Variants in PRKG1 observed in about 807,000 individuals in gnomAD.
PRKG1 encodes cGMP-dependent protein kinase 1.
In PRKG1, 35 loss-of-function variants were observed where a neutral mutation model predicts 88.1. The ratio of observed to expected loss-of-function variants is 0.40; its 90% CI spans 0.30 to 0.53. PRKG1 has a LOEUF of 0.53. Among genes scored for constraint, PRKG1 ranks in the 20% least tolerant of loss-of-function variants. PRKG1 has a pLI of 0.59. For missense variants in PRKG1, 540 were observed against 839.8 expected, an observed-to-expected ratio of 0.64 and a Z score of 4.41; for synonymous variants, 303 against 292.5, an observed-to-expected ratio of 1.04 and a Z score of -0.37.
intron 5 of PRKG1, among the ~76,000 whole-genome samples, chr10:52,040,379 T>C (rs1168168314): frequency 6.6e-6 from 1 of 152,226 alleles, no homozygotes; most frequent in Non-Finnish European, 1.5e-5. Flanking sequence ...CAAACTATTT[T>C]CAAGTTCTGC....
At chr10:52,207,873 C>A (rs1299714086) in intron 9 of PRKG1, among the ~76,000 whole-genome samples, 1 of 152,076 alleles carries the variant, frequency 6.6e-6, no homozygotes, top group Non-Finnish European at 1.5e-5. Context: ...CAATGCCTTC[C>A]CTCTGAAGAT....
chr10:52,276,537 T>C (rs919256314), intron 12 of PRKG1, among the ~76,000 whole-genome samples: 13 of 152,158 alleles, frequency 8.5e-5, no homozygotes, highest in African/African-American at 3.1e-4. Context: ...TATTCATAAA[T>C]AACCTTCTAT....
At chr10:51,350,749 T>C (rs935079779) in intron 2 of PRKG1, among the ~76,000 whole-genome samples, 2 of 152,178 alleles carry the variant, frequency 1.3e-5, no homozygotes, top group South Asian at 2.1e-4. Context: ...GAAATCAACA[T>C]ACAAAAATCA....
intron 2 of PRKG1, among the ~76,000 whole-genome samples, chr10:51,188,795 A>G (rs1488898280): frequency 6.6e-6 from 1 of 151,972 alleles, no homozygotes; most frequent in Admixed American, 6.6e-5. Flanking sequence ...AATGGAACAT[A>G]GTTACCACAT....
chr10:51,865,571 T>A (rs1202449564), intron 4 of PRKG1, among the ~76,000 whole-genome samples: 1 of 152,078 alleles, frequency 6.6e-6, no homozygotes, highest in East Asian at 1.9e-4. Context: ...TAGAAAAAAA[T>A]GTAATTATGT....
At chr10:51,923,924 G>T (rs529039711) in intron 5 of PRKG1, among the ~76,000 whole-genome samples, 2 of 151,906 alleles carry the variant, frequency 1.3e-5, no homozygotes, top group Admixed American at 1.3e-4. Flanking sequence ...TACCTCCCAG[G>T]CTCAAGCAAT....
chr10:52,068,472 T>C (rs1324152084), intron 7 of PRKG1, among the ~76,000 whole-genome samples: 2 of 152,144 alleles, frequency 1.3e-5, no homozygotes, highest in Admixed American at 6.5e-5. Context: ...TGGAACTTAT[T>C]CTGTCATTTA....
chr10:51,392,839 G>A (rs1251467448), intron 2 of PRKG1, among the ~76,000 whole-genome samples: 14 of 148,938 alleles, frequency 9.4e-5, no homozygotes, highest in African/African-American at 3.2e-4. Context: ...CCCAGACAGG[G>A]CGGCTGGCCG....
chr10:51,999,568 G>A (rs1844540717), intron 5 of PRKG1, among the ~76,000 whole-genome samples: 1 of 151,988 alleles, frequency 6.6e-6, no homozygotes, highest in Non-Finnish European at 1.5e-5. Flanking sequence ...TAATGAATAG[G>A]TATTCTGTTT....
intron 1 of PRKG1, among the ~76,000 whole-genome samples, chr10:51,028,589 A>AT (rs1843240388): frequency 6.6e-6 from 1 of 151,544 alleles, no homozygotes; most frequent in Non-Finnish European, 1.5e-5. Flanking sequence ...AGGAAAAAAA[A>AT]ATTCAGATAA....
intron 7 of PRKG1, among the ~76,000 whole-genome samples, chr10:52,096,420 A>G (rs1335719815): frequency 6.6e-6 from 1 of 152,174 alleles, no homozygotes; most frequent in East Asian, 1.9e-4. Context: ...CAGCTTCTGC[A>G]GGTTTCTGAG....
intron 2 of PRKG1, among the ~76,000 whole-genome samples, chr10:51,161,960 G>C (rs1478639518): frequency 6.6e-6 from 1 of 152,134 alleles, no homozygotes; most frequent in Non-Finnish European, 1.5e-5. Flanking sequence ...TTACATAACT[G>C]TTGAAGAGTT....
At chr10:51,721,343 C>T (rs187963317) in intron 3 of PRKG1, among the ~76,000 whole-genome samples, 1 of 152,016 alleles carries the variant, frequency 6.6e-6, no homozygotes, top group African/African-American at 2.4e-5. Context: ...ATTAAATGCA[C>T]TCATGTACTT....
chr10:51,377,086 A>T (rs1053237168), intron 2 of PRKG1, among the ~76,000 whole-genome samples: 2 of 142,220 alleles, frequency 1.4e-5, no homozygotes, highest in African/African-American at 5.6e-5. Flanking sequence ...GTTAGCAGTT[A>T]AAAAAAAAAA....
chr10:51,009,336 T>TA (rs1257394192), intron 1 of PRKG1, among the ~76,000 whole-genome samples: 6 of 152,202 alleles, frequency 3.9e-5, no homozygotes, highest in Non-Finnish European at 4.4e-5. Flanking sequence ...AACACAGTTA[T>TA]ATTTAGGGAT....
intron 2 of PRKG1, among the ~76,000 whole-genome samples, chr10:51,277,552 C>A (rs561570022): frequency 3.3e-5 from 5 of 152,130 alleles, no homozygotes; most frequent in African/African-American, 9.7e-5. Context: ...TTACCTTGGA[C>A]GGTATGGCCA....
rs532284863 is a variant in PRKG1 at position 52,168,420 on chromosome 10, A to G, written c.1076+6457A>G. ...GGGAAGCAACATTATATAGTCAAGG[A>G]ATTAAAGTAGCAATATGCCTGAGAC... On this transcript the variant is annotated intron_variant, in intron 9 of 17. Coordinates refer to ENST00000373980, the MANE Select transcript of PRKG1 (RefSeq NM_006258.4). Among the ~76,000 whole-genome samples, 532 of 152,282 alleles carry G rather than the reference A, an allele frequency of 3.5e-3. 1 individual carries two copies. Among genetic ancestry groups the G allele is most frequent in the Middle Eastern group, 6.8e-3 (2 of 294 alleles).
At chr10:52,293,100 A>C (rs1428097268) in intron 17 of PRKG1, among the ~76,000 whole-genome samples, 3 of 149,940 alleles carry the variant, frequency 2.0e-5, no homozygotes, top group Non-Finnish European at 4.5e-5. Context: ...AATCACAAGC[A>C]TTCTTATACA....
Position 52,220,163 on chromosome 10 carries a change from A to G in PRKG1, c.1077-31407A>G, listed in dbSNP as rs7072581. On this transcript the variant is annotated intron_variant, in intron 9 of 17. Coordinates refer to ENST00000373980, the MANE Select transcript of PRKG1 (RefSeq NM_006258.4). ...TTCAGAATACAGTGAGTAGGATTGA[A>G]GTATGACAACTGAGGCTACATTATG... 7.4e-3 allele frequency among the ~76,000 whole-genome samples: 1,125 copies of G among 152,298 alleles called. 16 individuals carry two copies. The highest frequency in any genetic ancestry group is 0.025 in the African/African-American group (1,030 of 41,572).
Sources: gnomAD v4.1 joint callset for allele counts (sites outside exome capture counted in the v4.1 genomes callset) on GRCh38, gnomAD v4.1.1 for gene constraint, MANE v1.5 for transcripts, NCBI Gene and HGNC (gene_info 2026-07-23, HGNC 2026-07-21) for gene names.